ATP11A: variants seen among roughly 807,000 people sequenced by gnomAD.
ATP11A encodes the protein ATPase phospholipid transporting 11A.
A neutral mutation model predicts 154.4 loss-of-function variants in ATP11A; 81 were observed. The ratio of observed to expected loss-of-function variants is 0.52; its 90% CI spans 0.44 to 0.63. ATP11A has a LOEUF of 0.63. ATP11A is among the 30% of genes least tolerant of loss of function. The pLI is 0.00. For synonymous variants in ATP11A, 623 were observed against 585.9 expected (o/e 1.06, Z -0.91); for missense variants, 1,316 against 1,474.3 (o/e 0.89, Z 1.76).
At chr13:112,846,184 G>A (rs528335956) in intron 17 of ATP11A, among the ~76,000 whole-genome samples, 10 of 152,096 alleles carry the variant, frequency 6.6e-5, no homozygotes, top group Admixed American at 1.3e-4. Context: ...TGAGCATCTC[G>A]GATCTGCGGC....
chr13:112,767,560 G>A (rs1361774259), intron 1 of ATP11A, among the ~76,000 whole-genome samples: 1 of 152,014 alleles, frequency 6.6e-6, no homozygotes, highest in African/African-American at 2.4e-5. Flanking sequence ...GGGTGCTGTT[G>A]GGAGCCTGGC....
rs756324306 is a variant in ATP11A, at chr13:112,860,413, A to AG, written c.2855+1dup. The AG allele has an allele frequency of 6.2e-7, 1 of 1,614,082 alleles. No homozygotes were observed. ...GCTCAAGAGAGACCCGACCCTGTAC[A>AG]GGTACCATCCTCCAAACAGCCTCTC... is the stretch of plus-strand genomic sequence containing the variant. On this transcript the variant is annotated frameshift_variant and splice_region_variant, in exon 24 of 30. Coordinates refer to ENST00000375645, the MANE Select transcript of ATP11A (RefSeq NM_015205.3).
chr13:112,829,662 C>G (rs1040152099), intron 12 of ATP11A, among the ~76,000 whole-genome samples: 1 of 152,328 alleles, frequency 6.6e-6, no homozygotes, highest in South Asian at 2.1e-4. Context: ...CACACATTCA[C>G]CCCTTCTATT....
intron 1 of ATP11A, among the ~76,000 whole-genome samples, chr13:112,769,341 G>T (rs2139934262): frequency 6.6e-6 from 1 of 152,322 alleles, no homozygotes; most frequent in East Asian, 1.9e-4. Context: ...CACAGCCTTG[G>T]CCCTGAGGCT....
At chr13:112,802,650 G>A (rs574071946) in intron 2 of ATP11A, among the ~76,000 whole-genome samples, 2 of 151,340 alleles carry the variant, frequency 1.3e-5, no homozygotes, top group South Asian at 2.1e-4. Context: ...AGACCTAAAT[G>A]TAAAATGTAT....
In ATP11A at chr13:112,870,629, G is replaced by A. The variant is rs529862656; in HGVS notation, c.2992-1106G>A. 8.4e-4 allele frequency among the ~76,000 whole-genome samples: 128 copies of A among 152,258 alleles called. No homozygotes were observed. In the East Asian group the frequency reaches 0.022, roughly 26 times the overall value. Reference sequence around the variant, plus strand: ...CTTGACCTCATGATCCGCCCACCTCGGCCTCCCAAAGCGCTGGGATTACAG... The same window carrying A: ...CTTGACCTCATGATCCGCCCACCTCAGCCTCCCAAAGCGCTGGGATTACAG... On this transcript the variant is annotated intron_variant, in intron 25 of 29. Coordinates refer to ENST00000375645, the MANE Select transcript of ATP11A (RefSeq NM_015205.3).
rs148734980 is a variant in ATP11A, at chr13:112,882,051, G to T, written c.*185G>T. The T allele has an allele frequency of 7.1e-4, 972 of 1,367,702 alleles. 4 individuals carry two copies. The highest frequency in any genetic ancestry group is 9.3e-4 in the Non-Finnish European group (950 of 1,021,982). The allele number at this position is 1,367,702 out of a possible 1,614,324, so 84.7% of individuals were successfully genotyped here. A position where few individuals can be genotyped will look rare whatever the true frequency, so the allele number is the denominator to read the frequency against. ...CACAGCTGCCCTAGGTCCCGTGTGG[G>T]AATGCTCGTGTGATGGATGGTCCTA... is the stretch of plus-strand genomic sequence containing the variant. On this transcript the variant is annotated 3_prime_UTR_variant, in exon 30 of 30. Transcript: ENST00000375645. This position sits in a 1 kb window ranked among gnomAD's most constrained non-coding sequence, Gnocchi z 5.1.
chr13:112,767,479 G>T (rs2077120691), intron 1 of ATP11A, among the ~76,000 whole-genome samples: 1 of 132,858 alleles, frequency 7.5e-6, no homozygotes, highest in Non-Finnish European at 1.6e-5. Flanking sequence ...GGAGTGCTGG[G>T]AGCCCCCGTG....
At chr13:112,766,530 C>G (rs2077080715) in intron 1 of ATP11A, among the ~76,000 whole-genome samples, 1 of 152,126 alleles carries the variant, frequency 6.6e-6, no homozygotes, top group Non-Finnish European at 1.5e-5. Flanking sequence ...ATACTGCAGC[C>G]TCAGGTCAGT....
intron 2 of ATP11A, among the ~76,000 whole-genome samples, chr13:112,800,642 G>A (rs558138307): frequency 6.0e-5 from 9 of 151,180 alleles, no homozygotes; most frequent in South Asian, 2.1e-4. Context: ...TTTCTAATTC[G>A]TTCTATGAGG....
chr13:112,719,681 T>C (rs1456900252), intron 1 of ATP11A, among the ~76,000 whole-genome samples: 1 of 150,078 alleles, frequency 6.7e-6, no homozygotes, highest in African/African-American at 2.5e-5. Context: ...GTTACTTCTT[T>C]GTAGAGGGTA....
Position 112,709,562 on chromosome 13 carries a change from A to G in ATP11A, c.39+19107A>G, listed in dbSNP as rs377119914. Among the ~76,000 whole-genome samples the G allele has an allele frequency of 1.1e-3, 165 of 152,318 alleles. 1 individual carries two copies. The highest frequency in any genetic ancestry group is 2.9e-3 in the African/African-American group (119 of 41,588). On this transcript the variant is annotated intron_variant, in intron 1 of 29. Coordinates refer to ENST00000375645, the MANE Select transcript of ATP11A (RefSeq NM_015205.3). ...TGCACAATAAAACTTGGTCTCCACAATCCTTTATCTTAACCTGAACATTTC... is the reference window on the plus strand; with the variant it reads ...TGCACAATAAAACTTGGTCTCCACAGTCCTTTATCTTAACCTGAACATTTC...
chr13:112,832,108 G>A (rs1319741999), intron 13 of ATP11A, among the ~76,000 whole-genome samples: 1 of 151,864 alleles, frequency 6.6e-6, no homozygotes, highest in Non-Finnish European at 1.5e-5. Flanking sequence ...CCCAGTTACC[G>A]TGTGCACGCA....
intron 1 of ATP11A, among the ~76,000 whole-genome samples, chr13:112,724,338 C>T (rs926791048): frequency 3.3e-5 from 5 of 151,820 alleles, no homozygotes; most frequent in African/African-American, 7.3e-5. Context: ...CTGCCATAAA[C>T]GTCAGGGAGG....
rs191255779 is a variant in ATP11A at position 112,816,314 on chromosome 13, G to A, written c.570+103G>A. 1,071 of 1,469,298 alleles carry A rather than the reference G, an allele frequency of 7.3e-4. 7 individuals carry two copies. The African/African-American group carries it at 0.013, about 17-fold the overall frequency. The allele number at this position is 1,469,298 out of a possible 1,614,324, so 91.0% of individuals were successfully genotyped here. ...CTAACATCCTGTTTGAAAAGTCACC[G>A]TTTTCATGTAACCCAGGGAGTTACA... is the stretch of plus-strand genomic sequence containing the variant. On this transcript the variant is annotated intron_variant, in intron 6 of 29. Coordinates refer to ENST00000375645, the MANE Select transcript of ATP11A (RefSeq NM_015205.3).
In ATP11A at chr13:112,878,275, C is replaced by T. The variant is rs1212124323; in HGVS notation, c.3386C>T (p.Ser1129Phe). ...ACCATCTTTATGCTTTCTCAGACTT[C>T]CAGCAGCCTGAGTTTCTGATGGAAC... ...QSTIFMLSQT[S>F]SSLSF The change falls in exon 29 of 30, where the codon TCC becomes TTC. Residue 1129 changes from serine (S) to phenylalanine (F), a missense_variant. This residue lies in a region of ATP11A where 294 missense variants were observed against 290.2 expected (regional missense o/e 1.01). Coordinates refer to ENST00000375645, the MANE Select transcript of ATP11A (RefSeq NM_015205.3). The T allele has an allele frequency of 1.2e-6, 2 of 1,614,198 alleles. No individual in the cohort carries two copies. Among genetic ancestry groups the T allele is most frequent in the Non-Finnish European group, 1.7e-6 (2 of 1,180,044 alleles).
intron 2 of ATP11A, 98 bp from the exon 3 acceptor site, chr13:112,804,859 T>G (rs1566506621): frequency 3.1e-6 from 2 of 647,324 alleles, no homozygotes; most frequent in Non-Finnish European, 5.1e-6. Context: ...CTAAACATTT[T>G]GTACTGTAAA....
chr13:112,832,809 C>T (rs775507838), intron 13 of ATP11A, 51 bp from the exon 14 acceptor site: 7 of 1,581,396 alleles, frequency 4.4e-6, no homozygotes, highest in Non-Finnish European at 5.2e-6. Context: ...TTCCCTCTAT[C>T]TTCAGTGGAC....
chr13:112,847,567 G>A (rs900712033), intron 17 of ATP11A, among the ~76,000 whole-genome samples: 91 of 152,106 alleles, frequency 6.0e-4, no homozygotes, highest in African/African-American at 2.1e-3. Flanking sequence ...ATTTGATTAC[G>A]GTACCTGGAG....
Sources: gnomAD v4.1 joint callset for allele counts (sites outside exome capture counted in the v4.1 genomes callset) on GRCh38, gnomAD v4.1.1 for gene constraint, gnomAD v4.1.1 regional missense constraint, Gnocchi (gnomAD v3.1) non-coding constraint, MANE v1.5 for transcripts, NCBI Gene and HGNC (gene_info 2026-07-23, HGNC 2026-07-21) for gene names.